FSTL4: variants seen among roughly 807,000 people sequenced by gnomAD.
The protein encoded by FSTL4 is follistatin like 4.
A neutral mutation model predicts 78.2 loss-of-function variants in FSTL4; 28 were observed. The ratio of observed to expected loss-of-function variants is 0.36; its 90% confidence interval spans 0.27 to 0.49. The LOEUF (loss-of-function observed/expected upper bound fraction) is 0.49. FSTL4 is among the 20% of genes least tolerant of loss of function. The pLI is 0.98. For synonymous variants in FSTL4, 422 were observed against 440.5 expected, an observed-to-expected ratio of 0.96 and a Z score of 0.53; for missense variants, 922 against 1,084.9, an observed-to-expected ratio of 0.85 and a Z score of 2.11.
At chr5:133,817,923 A>G in the FSTL4 span, among the ~76,000 whole-genome samples, 1 of 152,224 alleles carries the variant, frequency 6.6e-6, no homozygotes, top group African/African-American at 2.4e-5. Context: ...AAGATAAAGA[A>G]AATGAATCTT....
chr5:133,708,529 C>A, the FSTL4 span, among the ~76,000 whole-genome samples: 3 of 152,212 alleles, frequency 2.0e-5, no homozygotes, highest in Non-Finnish European at 2.9e-5. Context: ...TCCTCCCAGA[C>A]CCTAGCTTGT....
chr5:133,698,973 C>T, the FSTL4 span, among the ~76,000 whole-genome samples: 1 of 152,210 alleles, frequency 6.6e-6, no homozygotes, highest in African/African-American at 2.4e-5. Flanking sequence ...ACTGCTCTGA[C>T]CTGTCGCTTA....
chr5:133,423,891 C>T (rs1487909794), intron 3 of FSTL4, among the ~76,000 whole-genome samples: 4 of 152,168 alleles, frequency 2.6e-5, no homozygotes. Flanking sequence ...TGTGCACGTG[C>T]CAGGACAAGT....
rs140020810 is a variant in FSTL4, at chr5:133,533,606, C to T, written c.160+33580G>A. On this transcript the variant is annotated intron_variant, in intron 3 of 15. Transcript: ENST00000265342. ...ATTTGTTACAGCAGCAATAGGAAAA[C>T]TAAGCCAGGCTCTCCATGTTCACAG... Among the ~76,000 whole-genome samples the T allele has an allele frequency of 3.0e-3, 464 of 152,296 alleles. 4 individuals are homozygous for T. The highest frequency in any genetic ancestry group is 0.011 in the African/African-American group (447 of 41,576).
chr5:133,759,046 G>A, the FSTL4 span, among the ~76,000 whole-genome samples: 17 of 152,180 alleles, frequency 1.1e-4, no homozygotes, highest in Non-Finnish European at 2.4e-4. Context: ...GAAGTAAATT[G>A]CTAAATCCAA....
chr5:133,606,859 G>C (rs10067413), intron 1 of FSTL4, among the ~76,000 whole-genome samples: 4,736 of 152,254 alleles, frequency 0.031, 108 homozygotes, highest in Middle Eastern at 0.078. Context: ...GTACTAATGG[G>C]TAGCATTAAA....
rs574827728 is a variant in FSTL4 at position 133,480,637 on chromosome 5, C to T, written c.161-79651G>A. Among the ~76,000 whole-genome samples the T allele has an allele frequency of 4.6e-5, 7 of 152,018 alleles. No individual in the cohort carries two copies. In the East Asian group the frequency reaches 7.8e-4, roughly 17 times the overall value. On this transcript the variant is annotated intron_variant, in intron 3 of 15. Coordinates refer to ENST00000265342, the MANE Select transcript of FSTL4 (RefSeq NM_015082.2). ...GAGGGTGACAGAGCCCTGGTATGGA[C>T]GCGGTGGGAGCCAGGATCTCCTCTG...
the FSTL4 span, among the ~76,000 whole-genome samples, chr5:133,663,531 C>T: frequency 1.3e-5 from 2 of 152,222 alleles, no homozygotes; most frequent in African/African-American, 2.4e-5. Context: ...AGTGCTAACA[C>T]GTGCCTCTTC....
intron 3 of FSTL4, chr5:133,458,397 G>A (rs1424530648): frequency 6.6e-6 from 1 of 152,226 alleles, no homozygotes; most frequent in East Asian, 1.9e-4. Context: ...TGTATGCCCA[G>A]GAAGAAACAG....
At chr5:133,736,999 C>T in the FSTL4 span, among the ~76,000 whole-genome samples, 1 of 152,024 alleles carries the variant, frequency 6.6e-6, no homozygotes, top group African/African-American at 2.4e-5. Context: ...TTAATATAGG[C>T]ATGCAATGTT....
intron 6 of FSTL4, among the ~76,000 whole-genome samples, chr5:133,270,662 C>G (rs1752748708): frequency 6.6e-6 from 1 of 152,184 alleles, no homozygotes; most frequent in African/African-American, 2.4e-5. Flanking sequence ...AGCATTTCTG[C>G]CCTGCAAGAA....
At chr5:133,512,211 C>T (rs890694504) in intron 3 of FSTL4, among the ~76,000 whole-genome samples, 4 of 152,238 alleles carry the variant, frequency 2.6e-5, no homozygotes, top group South Asian at 2.1e-4. Flanking sequence ...GGCGGCAGAC[C>T]GTGCTTCTCA....
intron 6 of FSTL4, among the ~76,000 whole-genome samples, chr5:133,280,229 C>A (rs969109928): frequency 6.6e-6 from 1 of 152,160 alleles, no homozygotes; most frequent in Non-Finnish European, 1.5e-5. Flanking sequence ...TGCTCTGACC[C>A]CTGGCCAATC....
At chr5:133,740,337 C>G in the FSTL4 span, among the ~76,000 whole-genome samples, 1 of 152,110 alleles carries the variant, frequency 6.6e-6, no homozygotes, top group Non-Finnish European at 1.5e-5. Context: ...CTGCCCCTGG[C>G]CCCACATCTA....
the FSTL4 span, among the ~76,000 whole-genome samples, chr5:133,818,649 A>C: frequency 6.6e-6 from 1 of 152,016 alleles, no homozygotes; most frequent in African/African-American, 2.4e-5. Context: ...GCATTGTGAT[A>C]GCTGCATAAT....
At chr5:133,215,527 C>G (rs1344648480) in intron 13 of FSTL4, among the ~76,000 whole-genome samples, 1 of 151,842 alleles carries the variant, frequency 6.6e-6, no homozygotes, top group East Asian at 1.9e-4. Flanking sequence ...CTCTTCTCTT[C>G]TAACAGTATT....
At chr5:133,489,783 G>A (rs1758219922) in intron 3 of FSTL4, among the ~76,000 whole-genome samples, 1 of 151,962 alleles carries the variant, frequency 6.6e-6, no homozygotes, top group South Asian at 2.1e-4. Flanking sequence ...CCCTCCCTAG[G>A]TGGTGACAAA....
chr5:133,625,786 CATATAT>C, the FSTL4 span, among the ~76,000 whole-genome samples: 12 of 1,072 alleles, frequency 0.011, 1 homozygote, highest in African/African-American at 0.029. Flanking sequence ...ATATATATTC[CATATAT>C]ATATATATTC....
At chr5:133,274,908 G>A (rs1369697918) in intron 6 of FSTL4, among the ~76,000 whole-genome samples, 1 of 152,188 alleles carries the variant, frequency 6.6e-6, no homozygotes, top group Non-Finnish European at 1.5e-5. Context: ...CATAGGACCT[G>A]CTACATAATT....
Sources: allele counts gnomAD v4.1 joint callset (sites outside exome capture counted in the v4.1 genomes callset), GRCh38; gene constraint gnomAD v4.1.1; transcripts MANE v1.5; gene names NCBI Gene and HGNC (gene_info 2026-07-23, HGNC 2026-07-21).